The following ZNF592 variants were observed in gnomAD, a reference collection of about 807,000 sequenced individuals.
The protein encoded by ZNF592 is zinc finger protein 592.
ZNF592 carries 11 observed loss-of-function variants against 80.3 expected under a neutral mutation model. That is an observed-to-expected ratio of 0.14 (90% CI 0.09 to 0.23). The LOEUF is 0.23. ZNF592 is among the 10% of genes least tolerant of loss of function. The pLI is 1.00. For missense variants in ZNF592, 1,420 were observed against 1,633.9 expected (o/e 0.87, Z 2.26); for synonymous variants, 646 against 640.3 (o/e 1.01, Z -0.13).
intron 2 of ZNF592, among the ~76,000 whole-genome samples, chr15:84,766,395 T>C (rs1567061859): frequency 6.6e-6 from 1 of 152,180 alleles, no homozygotes; most frequent in Non-Finnish European, 1.5e-5. Context: ...AATAGGCACA[T>C]ACAGAACACC....
chr15:84,768,445 C>T (rs577522786), intron 2 of ZNF592, among the ~76,000 whole-genome samples: 1 of 151,972 alleles, frequency 6.6e-6, no homozygotes, highest in East Asian at 1.9e-4. Flanking sequence ...ATCATGTGGA[C>T]CAGGCTGGTC....
chr15:84,798,597 G>C lies in ZNF592; in HGVS notation c.2746G>C (p.Gly916Arg). ...CTCTCCCCATCCCCAGAGCACCCAC[G>C]GTGTTCCCCGAAATGTGGACGAGCT... ...ELMQHVKSTH[G>R]VPRNVDELSS... The change falls in exon 8 of 11, where the codon GGT (glycine) becomes CGT (arginine). Residue 916 changes from glycine (G) to arginine (R), a missense_variant. Transcript: ENST00000560079. The surrounding 1 kb of genome is among the most constrained non-coding windows in gnomAD (Gnocchi z 4.5). 6.2e-7 allele frequency: 1 copy of C among 1,614,100 alleles called. No individual in the cohort carries two copies. The highest frequency in any genetic ancestry group is 8.5e-7 in the Non-Finnish European group (1 of 1,180,024).
chr15:84,796,296 A>ATATAT (rs1567076462), intron 5 of ZNF592, among the ~76,000 whole-genome samples: 1 of 40,142 alleles, frequency 2.5e-5, no homozygotes, highest in African/African-American at 1.3e-4. Context: ...TATATATATA[A>ATATAT]AAAAACGAAG....
intron 1 of ZNF592, among the ~76,000 whole-genome samples, chr15:84,758,988 C>T (rs762409785): frequency 1.3e-5 from 2 of 152,034 alleles, no homozygotes; most frequent in African/African-American, 2.4e-5. Context: ...CTCTTTTTTG[C>T]CAATTCAGTT....
chr15:84,797,887 C>T lies in ZNF592; in HGVS notation c.2418C>T (p.Val806=), dbSNP rs774264063. 18 of 1,614,108 alleles carry T rather than the reference C, an allele frequency of 1.1e-5. No homozygotes were observed. The highest frequency in any genetic ancestry group is 1.1e-5 in the Non-Finnish European group (13 of 1,180,044). The change falls in exon 6 of 11, where the codon GTC becomes GTT. Residue 806 remains valine, a synonymous_variant. Coordinates refer to ENST00000560079, the MANE Select transcript of ZNF592 (RefSeq NM_014630.3). ...KVGYRCIHCG[V]VHLTLALLKS... is the part of the protein sequence containing the mutation. Reference sequence around the variant, plus strand: ...TGTCTAGGTGCATCCACTGTGGTGTCGTCCACCTGACCTTGGCCTTGCTGA... The same window carrying T: ...TGTCTAGGTGCATCCACTGTGGTGTTGTCCACCTGACCTTGGCCTTGCTGA...
In ZNF592 at chr15:84,766,957, C is replaced by A. The variant is rs543793528; in HGVS notation, c.-150+2142C>A. Among the ~76,000 whole-genome samples the A allele has an allele frequency of 1.1e-4, 17 of 152,168 alleles. No homozygotes were observed. The East Asian group carries it at 2.5e-3, about 22-fold the overall frequency. On this transcript the variant is annotated intron_variant, in intron 2 of 10. Transcript: ENST00000560079. Reference sequence around the variant, plus strand: ...AAGACTGGTGGCACCCTCAAAACCACCAAAGAAAGAGTGATCCTGTGAAAT... The same window carrying A: ...AAGACTGGTGGCACCCTCAAAACCAACAAAGAAAGAGTGATCCTGTGAAAT...
chr15:84,784,726 G>C lies in ZNF592; in HGVS notation c.2051G>C (p.Gly684Ala). The C allele has an allele frequency of 6.2e-7, 1 of 1,614,018 alleles. No individual in the cohort carries two copies. The highest frequency in any genetic ancestry group is 1.1e-5 in the South Asian group (1 of 91,080). Residue 684 changes from glycine (G) to alanine (A), a missense_variant, in exon 4 of 11, where the codon GGC (glycine) becomes GCC (alanine). Gly to Ala is a moderately conservative substitution (Grantham distance 60). Coordinates refer to ENST00000560079, the MANE Select transcript of ZNF592 (RefSeq NM_014630.3). This position sits in a 1 kb window ranked among gnomAD's most constrained non-coding sequence, Gnocchi z 5.8. ...APAPSSSPKH[G>A]LTSGSASPPP... Reference sequence around the variant, plus strand: ...GCCCCTTCATCCTCTCCCAAACATGGCCTCACTTCGGGCAGTGCCAGTCCC... The same window carrying C: ...GCCCCTTCATCCTCTCCCAAACATGCCCTCACTTCGGGCAGTGCCAGTCCC...
chr15:84,779,911 GC>G (rs1169690710), intron 3 of ZNF592, among the ~76,000 whole-genome samples: 1 of 150,710 alleles, frequency 6.6e-6, no homozygotes, highest in Non-Finnish European at 1.5e-5. Context: ...TCTCCCACAT[GC>G]TTTTTCCAGC....
intron 5 of ZNF592, among the ~76,000 whole-genome samples, chr15:84,797,223 A>T (rs1350821675): frequency 6.6e-6 from 1 of 152,182 alleles, no homozygotes; most frequent in Non-Finnish European, 1.5e-5. Context: ...GGCCTCCCCA[A>T]GTGCTGGGAT....
chr15:84,775,848 T>C (rs1962235927), intron 2 of ZNF592, among the ~76,000 whole-genome samples: 1 of 152,228 alleles, frequency 6.6e-6, no homozygotes, highest in South Asian at 2.1e-4. Flanking sequence ...CTTAAATGTT[T>C]GGTAAAATTT....
chr15:84,766,419 C>T (rs6496404), intron 2 of ZNF592, among the ~76,000 whole-genome samples: 127,979 of 152,178 alleles, frequency 0.84, 54,246 homozygotes, highest in African/African-American at 0.95. Context: ...ATATTGGATC[C>T]GTTGCCATGC....
At chr15:84,767,691 G>A (rs957471977) in intron 2 of ZNF592, among the ~76,000 whole-genome samples, 1 of 151,756 alleles carries the variant, frequency 6.6e-6, no homozygotes, top group Non-Finnish European at 1.5e-5. Context: ...GTCCCAGTCA[G>A]TTTTATTGTC....
intron 2 of ZNF592, among the ~76,000 whole-genome samples, chr15:84,766,704 A>AGTGTGTGT (rs1220656014): frequency 1.7e-5 from 1 of 58,134 alleles, no homozygotes; most frequent in Admixed American, 1.6e-4. Flanking sequence ...AGGATGAGAA[A>AGTGTGTGT]GAGTGTGTGT....
chr15:84,752,715 G>A (rs1285729439), intron 1 of ZNF592, among the ~76,000 whole-genome samples: 1 of 152,112 alleles, frequency 6.6e-6, no homozygotes, highest in East Asian at 1.9e-4. Flanking sequence ...TTAGAGAGTG[G>A]AGATAGATGT....
intron 5 of ZNF592, among the ~76,000 whole-genome samples, chr15:84,795,797 G>T (rs1253959963): frequency 6.6e-6 from 1 of 152,154 alleles, no homozygotes; most frequent in Admixed American, 6.5e-5. Flanking sequence ...TGAATGCTCT[G>T]TGGAGTTTAT....
rs1963194449 is a variant in ZNF592, at chr15:84,804,717, A to G, written c.*2324A>G. 1 of 152,230 alleles carries G rather than the reference A, an allele frequency of 6.6e-6. No individual in the cohort carries two copies. Among genetic ancestry groups the G allele is most frequent in the Non-Finnish European group, 1.5e-5 (1 of 68,052 alleles). The allele number at this position is 152,230 out of a possible 1,614,324, so 9.4% of individuals were successfully genotyped here. On this transcript the variant is annotated 3_prime_UTR_variant, in exon 11 of 11. Coordinates refer to ENST00000560079, the MANE Select transcript of ZNF592 (RefSeq NM_014630.3). The stretch of plus-strand genomic sequence containing the variant: ...CCTTAGGGCATGGAGGGTGGAGCAC[A>G]TTTTGTCTGCTGTTTGGACTTGGAT...
At chr15:84,749,386 G>T (rs966973344) in intron 1 of ZNF592, among the ~76,000 whole-genome samples, 2 of 152,226 alleles carry the variant, frequency 1.3e-5, no homozygotes, top group Non-Finnish European at 2.9e-5. Context: ...ATCAGCGTTT[G>T]TGAGGGGGAG....
chr15:84,806,000 T>C lies in ZNF592; in HGVS notation c.*3607T>C, dbSNP rs35630683. The C allele has an allele frequency of 0.19, 29,533 of 152,638 alleles. 3,634 individuals carry two copies. Among genetic ancestry groups the C allele is most frequent in the Middle Eastern group, 0.36 (105 of 294 alleles). The allele number at this position is 152,638 out of a possible 1,614,324, so 9.5% of individuals were successfully genotyped here. Reference sequence around the variant, plus strand: ...CACAGTGTTCTGAAGCTTGCTTTCTTATATAGTATTTTGGAGATTATTCCA... The same window carrying C: ...CACAGTGTTCTGAAGCTTGCTTTCTCATATAGTATTTTGGAGATTATTCCA... On this transcript the variant is annotated 3_prime_UTR_variant, in exon 11 of 11. Coordinates refer to ENST00000560079, the MANE Select transcript of ZNF592 (RefSeq NM_014630.3).
chr15:84,774,881 A>G lies in ZNF592; in HGVS notation c.-149-3302A>G, dbSNP rs568425852. On this transcript the variant is annotated intron_variant, in intron 2 of 10. Transcript: ENST00000560079. Reference sequence around the variant, plus strand: ...CTGTAACCTCTGCCTCCCAGGTTCAAGCAATTCTCCTGCCCCAGCCTCCCA... The same window carrying G: ...CTGTAACCTCTGCCTCCCAGGTTCAGGCAATTCTCCTGCCCCAGCCTCCCA... Among the ~76,000 whole-genome samples, 7 of 152,166 alleles carry G rather than the reference A, an allele frequency of 4.6e-5. No individual in the cohort carries two copies. In the East Asian group the frequency reaches 1.4e-3, roughly 29 times the overall value.
Sources: gnomAD v4.1 joint callset for allele counts (sites outside exome capture counted in the v4.1 genomes callset) on GRCh38, gnomAD v4.1.1 for gene constraint, Gnocchi (gnomAD v3.1) non-coding constraint, MANE v1.5 for transcripts, NCBI Gene and HGNC (gene_info 2026-07-23, HGNC 2026-07-21) for gene names.